The following ANK2 variants were observed in gnomAD, a reference collection of about 807,000 sequenced individuals.
ANK2 encodes the protein ankyrin-2.
ANK2 carries 83 observed loss-of-function variants against 360.5 expected under a neutral mutation model. That is an observed-to-expected ratio of 0.23 (90% CI 0.19 to 0.28). ANK2 has a LOEUF of 0.28. ANK2 is among the 10% of genes least tolerant of loss of function. The pLI, the probability that ANK2 is intolerant of heterozygous loss-of-function variation, is 1.00. For synonymous variants in ANK2, 1,740 were observed against 1,759.5 expected, an observed-to-expected ratio of 0.99 and a Z score of 0.28; for missense variants, 4,201 against 4,795.7, an observed-to-expected ratio of 0.88 and a Z score of 3.66.
At chr4:112,971,449 A>G (rs2039487171) in intron 2 of ANK2, among the ~76,000 whole-genome samples, 1 of 152,238 alleles carries the variant, frequency 6.6e-6, no homozygotes, top group Non-Finnish European at 1.5e-5. Flanking sequence ...TTTTCTGAGA[A>G]ATAATACAAA....
At chr4:112,721,899 A>G in the ANK2 span, among the ~76,000 whole-genome samples, 1 of 152,204 alleles carries the variant, frequency 6.6e-6, no homozygotes, top group African/African-American at 2.4e-5. Context: ...AATCTTTAAA[A>G]GTGAGTTTCT....
chr4:113,322,797 G>A (rs1036501910), intron 26 of ANK2, among the ~76,000 whole-genome samples: 48 of 152,016 alleles, frequency 3.2e-4, no homozygotes, highest in Non-Finnish European at 1.2e-4. Context: ...CTCAAATAAC[G>A]GGATATTTGA....
chr4:113,062,076 G>C (rs977706063), intron 1 of ANK2, among the ~76,000 whole-genome samples: 5 of 151,998 alleles, frequency 3.3e-5, no homozygotes, highest in African/African-American at 1.2e-4. Flanking sequence ...ATTATACACT[G>C]TCTTCATTCT....
intron 4 of ANK2, among the ~76,000 whole-genome samples, chr4:113,202,885 A>G (rs1336701628): frequency 6.6e-6 from 1 of 152,180 alleles, no homozygotes; most frequent in East Asian, 1.9e-4. Flanking sequence ...GTAACAATGA[A>G]CAAATGTTTA....
the ANK2 span, among the ~76,000 whole-genome samples, chr4:112,745,307 G>C: frequency 6.6e-6 from 1 of 151,682 alleles, no homozygotes; most frequent in Admixed American, 6.6e-5. Context: ...TTTAATTTTT[G>C]TGGGCACATA....
chr4:112,828,474 C>T (rs2058936391), intron 1 of ANK2, among the ~76,000 whole-genome samples: 1 of 152,106 alleles, frequency 6.6e-6, no homozygotes, highest in Admixed American at 6.5e-5. Context: ...ACCTCGTGAT[C>T]CACCCGCCTC....
At position 112,850,504 on chromosome 4, in the gene ANK2, C is replaced by CTTTTTTTTTTTTTTTTTTTTTTT. The variant is rs60510554; in HGVS notation, c.-40+32248_-40+32270dup. Among the ~76,000 whole-genome samples the CTTTTTTTTTTTTTTTTTTTTTTT allele has an allele frequency of 1.5e-3, 9 of 5,818 alleles. 4 individuals carry two copies. Among genetic ancestry groups the CTTTTTTTTTTTTTTTTTTTTTTT allele is most frequent in the Non-Finnish European group, 2.6e-3 (9 of 3,406 alleles). The allele number at this position is 5,818 out of a possible 152,430, so 3.8% of individuals were successfully genotyped here. On this transcript the variant is annotated intron_variant, in intron 1 of 30. Transcript: ENST00000503271. Reference sequence around the variant, plus strand: ...TTTTTTTAACATTTCCTGTGCTAGTCTTTTTTTTTTTTTTTTTTTTTTTTT... The same window carrying CTTTTTTTTTTTTTTTTTTTTTTT: ...TTTTTTTAACATTTCCTGTGCTAGTCTTTTTTTTTTTTTTTTTTTTTTTTTTTTTTTTTTTTTTTTTTTTTTTT...
rs36123698 is a variant in ANK2, at chr4:113,133,360, T to C, written c.85-41056T>C. Among the ~76,000 whole-genome samples, 237 of 152,292 alleles carry C rather than the reference T, an allele frequency of 1.6e-3. 2 individuals are homozygous for C. The highest frequency in any genetic ancestry group is 5.2e-3 in the African/African-American group (218 of 41,584). ...CTCTATACTCGACTTTTTACAATTGTTTATTATATTATTTAATTCTCACAA... is the reference window on the plus strand; with the variant it reads ...CTCTATACTCGACTTTTTACAATTGCTTATTATATTATTTAATTCTCACAA... On this transcript the variant is annotated intron_variant, in intron 1 of 45. Coordinates refer to ENST00000357077, the MANE Select transcript of ANK2 (RefSeq NM_001148.6).
intron 2 of ANK2, among the ~76,000 whole-genome samples, chr4:112,927,421 A>G (rs994111462): frequency 2.0e-5 from 3 of 152,130 alleles, no homozygotes; most frequent in East Asian, 1.9e-4. Flanking sequence ...GGATATTTCT[A>G]TATCTGTTGC....
chr4:113,332,907 C>A, intron 28 of ANK2, 147 bp from the exon 29 acceptor site: 1 of 1,133,460 alleles, frequency 8.8e-7, no homozygotes, highest in Non-Finnish European at 1.3e-6. Flanking sequence ...TGACCATCTG[C>A]TAGCCAGTGG....
intron 17 of ANK2, among the ~76,000 whole-genome samples, chr4:113,279,685 A>C (rs1563377885): frequency 6.7e-6 from 1 of 148,434 alleles, no homozygotes; most frequent in Non-Finnish European, 1.5e-5. Flanking sequence ...TGTATAATAT[A>C]TATTTTATAT....
intron 2 of ANK2, among the ~76,000 whole-genome samples, chr4:113,016,794 A>AC (rs2056761983): frequency 6.6e-6 from 1 of 152,184 alleles, no homozygotes; most frequent in African/African-American, 2.4e-5. Context: ...GCTCTAAAGA[A>AC]CTACTGAGGA....
At chr4:113,024,259 A>G (rs2058771005) in intron 2 of ANK2, among the ~76,000 whole-genome samples, 1 of 152,154 alleles carries the variant, frequency 6.6e-6, no homozygotes, top group South Asian at 2.1e-4. Flanking sequence ...AAAGAATAAA[A>G]TATGTTAATA....
At chr4:113,264,367 A>G (rs1000539702) in intron 13 of ANK2, among the ~76,000 whole-genome samples, 1 of 152,236 alleles carries the variant, frequency 6.6e-6, no homozygotes, top group Non-Finnish European at 1.5e-5. Flanking sequence ...TAAGTGAGAC[A>G]ATGACAGATT....
chr4:112,906,410 A>G (rs905855015), intron 2 of ANK2, among the ~76,000 whole-genome samples: 9 of 152,210 alleles, frequency 5.9e-5, no homozygotes, highest in African/African-American at 2.2e-4. Flanking sequence ...TTGTCAGGAA[A>G]TAAAAGTGCG....
At chr4:113,307,622 C>T (rs555890318) in intron 23 of ANK2, among the ~76,000 whole-genome samples, 6 of 152,156 alleles carry the variant, frequency 3.9e-5, no homozygotes, top group African/African-American at 1.4e-4. Context: ...AGGCTGCTCT[C>T]GAACTCCTGA....
chr4:112,894,601 C>T (rs1452581440), intron 1 of ANK2, among the ~76,000 whole-genome samples: 1 of 152,152 alleles, frequency 6.6e-6, no homozygotes, highest in Non-Finnish European at 1.5e-5. Flanking sequence ...TCCACAATTT[C>T]CTAAAAGCTG....
At chr4:112,957,776 G>C (rs2030984602) in intron 2 of ANK2, among the ~76,000 whole-genome samples, 1 of 151,076 alleles carries the variant, frequency 6.6e-6, no homozygotes, top group South Asian at 2.1e-4. Context: ...CTGCCGGGCG[G>C]AGGGGCTCCT....
intron 2 of ANK2, among the ~76,000 whole-genome samples, chr4:113,033,603 G>A (rs771117524): frequency 6.6e-6 from 1 of 151,958 alleles, no homozygotes; most frequent in Middle Eastern, 3.2e-3. Flanking sequence ...AAGTGTGTGT[G>A]TGCGTGTGTG....
Sources: allele counts gnomAD v4.1 joint callset (sites outside exome capture counted in the v4.1 genomes callset), GRCh38; gene constraint gnomAD v4.1.1; transcripts MANE v1.5; gene names NCBI Gene and HGNC (gene_info 2026-07-23, HGNC 2026-07-21).